The following IPO11 variants were observed in gnomAD, a reference collection of about 807,000 sequenced individuals.
IPO11 encodes importin 11, also known as importin-11.
IPO11 carries 66 observed loss-of-function variants against 143.2 expected under a neutral mutation model. The observed-to-expected ratio is 0.46, with a 90% CI of 0.38 to 0.57. The LOEUF (loss-of-function observed/expected upper bound fraction) is 0.57, where lower values mean the gene tolerates loss of function less well. IPO11 is among the 20% of genes least tolerant of loss of function. IPO11 has a pLI of 0.00. For missense variants in IPO11, 1,026 were observed against 1,141.0 expected (o/e 0.90, Z 1.45); for synonymous variants, 385 against 377.8 (o/e 1.02, Z -0.22).
chr5:62,435,732 A>C (rs1744203524), intron 1 of IPO11, among the ~76,000 whole-genome samples: 2 of 151,608 alleles, frequency 1.3e-5, no homozygotes, highest in Admixed American at 6.6e-5. Flanking sequence ...CTCAAAAAAA[A>C]AAAAATCTCA....
intron 25 of IPO11, 107 bp downstream of exon 25, chr5:62,550,569 T>C (rs990354950): frequency 1.6e-5 from 11 of 678,486 alleles, no homozygotes; most frequent in African/African-American, 3.7e-5. Flanking sequence ...TTGGATCATA[T>C]TAAATTATGT....
intron 1 of IPO11, chr5:62,418,996 TC>T (rs1341304795): frequency 6.5e-7 from 1 of 1,547,716 alleles, no homozygotes; most frequent in Non-Finnish European, 8.7e-7. Context: ...TCTATGAACA[TC>T]ATATGAACAA....
chr5:62,540,482 T>TA (rs1161984390), intron 24 of IPO11, among the ~76,000 whole-genome samples: 3 of 152,358 alleles, frequency 2.0e-5, no homozygotes, highest in African/African-American at 7.2e-5. Flanking sequence ...ACAATATTGT[T>TA]AAAGTAATTG....
intron 2 of IPO11, among the ~76,000 whole-genome samples, chr5:62,438,097 C>T (rs897404192): frequency 1.3e-5 from 2 of 152,004 alleles, no homozygotes; most frequent in Non-Finnish European, 2.9e-5. Context: ...CAAAGCTCCC[C>T]GTTGGGTTAA....
At chr5:62,439,690 T>C (rs1744390883) in intron 2 of IPO11, among the ~76,000 whole-genome samples, 1 of 152,084 alleles carries the variant, frequency 6.6e-6, no homozygotes. Flanking sequence ...CAAATGTCTT[T>C]ATTTTTATTA....
intron 24 of IPO11, among the ~76,000 whole-genome samples, chr5:62,545,340 C>A (rs568786180): frequency 1.0e-3 from 155 of 152,226 alleles, no homozygotes; most frequent in African/African-American, 3.5e-3. Context: ...CAAAAACAAG[C>A]AATGGGGAAA....
At chr5:62,450,613 C>T (rs983052899) in intron 4 of IPO11, among the ~76,000 whole-genome samples, 4 of 147,638 alleles carry the variant, frequency 2.7e-5, no homozygotes, top group African/African-American at 1.0e-4. Context: ...TCTTACTGCA[C>T]AAGAATTAAT....
chr5:62,578,447 G>A (rs1164242635), intron 27 of IPO11, among the ~76,000 whole-genome samples: 2 of 151,916 alleles, frequency 1.3e-5, no homozygotes, highest in African/African-American at 2.4e-5. Context: ...TGTATTACTC[G>A]ATATACATCT....
intron 29 of IPO11, among the ~76,000 whole-genome samples, chr5:62,604,645 A>G (rs547134705): frequency 3.9e-4 from 59 of 152,312 alleles, no homozygotes; most frequent in Non-Finnish European, 7.9e-4. Flanking sequence ...GTATTGGTTT[A>G]TAAAACAACC....
At chr5:62,501,665 T>G (rs557435839) in intron 16 of IPO11, among the ~76,000 whole-genome samples, 1 of 152,336 alleles carries the variant, frequency 6.6e-6, no homozygotes, top group Non-Finnish European at 1.5e-5. Context: ...GATTGTATAA[T>G]TCAGTGTACT....
intron 5 of IPO11, among the ~76,000 whole-genome samples, chr5:62,455,580 C>T (rs1486738837): frequency 6.6e-6 from 1 of 152,142 alleles, no homozygotes. Context: ...AAGTGTAGTG[C>T]ACAGGGTACA....
chr5:62,504,315 C>G (rs1741471817), intron 16 of IPO11, among the ~76,000 whole-genome samples: 1 of 152,170 alleles, frequency 6.6e-6, no homozygotes, highest in African/African-American at 2.4e-5. Flanking sequence ...TACACATCCT[C>G]CAATTTGTCC....
At chr5:62,550,892 G>A (rs1261305704) in intron 25 of IPO11, among the ~76,000 whole-genome samples, 5 of 151,524 alleles carry the variant, frequency 3.3e-5, no homozygotes, top group Non-Finnish European at 7.4e-5. Flanking sequence ...AGGAGGCAGA[G>A]GTTGCAGTGA....
intron 19 of IPO11, among the ~76,000 whole-genome samples, chr5:62,511,190 G>C (rs1741736671): frequency 6.6e-6 from 1 of 152,048 alleles, no homozygotes; most frequent in Non-Finnish European, 1.5e-5. Context: ...AATTTATAGT[G>C]TATATTTCTT....
rs1469089186 is a variant in IPO11 at position 62,591,484 on chromosome 5, C to A, written c.2583-93C>A. On this transcript the variant is annotated intron_variant, in intron 27 of 29. Transcript: ENST00000325324. The stretch of plus-strand genomic sequence containing the variant: ...CTTTTGTATTTCACAGCTGAAATTT[C>A]TCTTCATGTTCGAGAAGATGTTTAG... 5 of 678,710 alleles carry A rather than the reference C, an allele frequency of 7.4e-6. No homozygotes were observed. In the East Asian group the frequency reaches 1.5e-4, roughly 21 times the overall value. The allele number at this position is 678,710 out of a possible 1,614,324, so 42.0% of individuals were successfully genotyped here.
chr5:62,626,494 G>C (rs560821765), intron 29 of IPO11, among the ~76,000 whole-genome samples: 2 of 152,206 alleles, frequency 1.3e-5, no homozygotes, highest in Non-Finnish European at 2.9e-5. Flanking sequence ...ACTTAGCCTG[G>C]GTCCAGGTGT....
At chr5:62,557,183 A>C in intron 26 of IPO11, among the ~76,000 whole-genome samples, 1 of 151,526 alleles carries the variant, frequency 6.6e-6, no homozygotes, top group Non-Finnish European at 1.5e-5. Flanking sequence ...TGGGATGGTC[A>C]TGAGCTCTTT....
At chr5:62,418,935 C>CA in intron 1 of IPO11, 1 of 1,490,346 alleles carries the variant, frequency 6.7e-7, no homozygotes, top group East Asian at 2.5e-5. Context: ...TCACGAGTTG[C>CA]TTAAGGCTGG....
At chr5:62,440,124 T>A (rs1744413230) in intron 2 of IPO11, among the ~76,000 whole-genome samples, 1 of 152,136 alleles carries the variant, frequency 6.6e-6, no homozygotes, top group African/African-American at 2.4e-5. Flanking sequence ...AAGACAAGAC[T>A]CAATGTAGTA....
Sources: allele counts gnomAD v4.1 joint callset (sites outside exome capture counted in the v4.1 genomes callset), GRCh38; gene constraint gnomAD v4.1.1; transcripts MANE v1.5; gene names NCBI Gene and HGNC (gene_info 2026-07-23, HGNC 2026-07-21).